The following MALRD1 variants were observed in gnomAD, a reference collection of about 807,000 sequenced individuals.
MALRD1 encodes the protein MAM and LDL-receptor class A domain-containing protein 1.
In MALRD1, 247 loss-of-function variants were observed where a neutral mutation model predicts 242.1. That is an observed-to-expected ratio of 1.02 (90% CI 0.92 to 1.13). MALRD1 has a LOEUF of 1.13. Among genes scored for constraint, MALRD1 ranks in the 50% most tolerant of loss-of-function variants. The pLI, the probability that MALRD1 is intolerant of heterozygous loss-of-function variation, is 0.00. For missense variants in MALRD1, 2,989 were observed against 2,533.1 expected, an observed-to-expected ratio of 1.18 and a Z score of -3.86; for synonymous variants, 995 against 866.6, an observed-to-expected ratio of 1.15 and a Z score of -2.60.
intron 35 of MALRD1, among the ~76,000 whole-genome samples, chr10:19,608,525 TG>T (rs1838741794): frequency 6.6e-6 from 1 of 151,996 alleles, no homozygotes; most frequent in Non-Finnish European, 1.5e-5. Context: ...TTATTTCACA[TG>T]GATGATATAT....
intron 36 of MALRD1, among the ~76,000 whole-genome samples, chr10:19,641,343 A>G (rs1198330231): frequency 4.6e-5 from 7 of 152,210 alleles, no homozygotes; most frequent in African/African-American, 1.7e-4. Flanking sequence ...TTGCCCTTTG[A>G]TCACTAAACA....
chr10:19,086,088 A>G (rs1835660218), intron 2 of MALRD1, among the ~76,000 whole-genome samples: 2 of 152,056 alleles, frequency 1.3e-5, no homozygotes, highest in African/African-American at 4.8e-5. Context: ...TTTACATAAT[A>G]ATTCCAGTAA....
At chr10:19,442,713 C>T (rs1173916947) in intron 28 of MALRD1, among the ~76,000 whole-genome samples, 4 of 152,056 alleles carry the variant, frequency 2.6e-5, no homozygotes, top group East Asian at 1.9e-4. Context: ...CCGCTGGGTT[C>T]GTTTTGCCAG....
At chr10:19,324,631 G>T (rs1359501095) in intron 22 of MALRD1, among the ~76,000 whole-genome samples, 3 of 149,226 alleles carry the variant, frequency 2.0e-5, no homozygotes, top group Admixed American at 6.7e-5. Flanking sequence ...AGTTGTCCTG[G>T]TAATGTCCCC....
chr10:19,387,538 A>T lies in MALRD1; in HGVS notation c.4452A>T (p.Pro1484=). The T allele has an allele frequency of 6.5e-7, 1 of 1,550,010 alleles. No homozygotes were observed. Among genetic ancestry groups the T allele is most frequent in the African/African-American group, 1.4e-5 (1 of 73,118 alleles). ...TTTGTTTTGTTTTAGGTTTCTGCCC[A>T]CTTGGCTATAGGGAATGTCATAATG... is the stretch of plus-strand genomic sequence containing the variant. ...LAVPLPTGFC[P]LGYRECHNGK... The change falls in exon 27 of 40, where the codon CCA becomes CCT. Residue 1484 remains proline, a synonymous_variant. Transcript: ENST00000454679.
At chr10:19,082,328 A>G (rs1034741172) in intron 2 of MALRD1, among the ~76,000 whole-genome samples, 2 of 151,704 alleles carry the variant, frequency 1.3e-5, no homozygotes, top group Non-Finnish European at 2.9e-5. Context: ...TTATGCTGTT[A>G]TTGCCACAAA....
At chr10:19,546,786 C>T (rs1175544531) in intron 32 of MALRD1, among the ~76,000 whole-genome samples, 2 of 152,138 alleles carry the variant, frequency 1.3e-5, no homozygotes, top group Non-Finnish European at 2.9e-5. Context: ...TACCTGTGAT[C>T]CTGATTTTCC....
chr10:19,240,791 A>G (rs987354792), intron 18 of MALRD1, among the ~76,000 whole-genome samples: 8 of 152,104 alleles, frequency 5.3e-5, no homozygotes, highest in Admixed American at 1.3e-4. Flanking sequence ...GACTTTTGTC[A>G]AGTGTTCTTT....
intron 21 of MALRD1, among the ~76,000 whole-genome samples, chr10:19,296,153 CT>C (rs1270444563): frequency 1.3e-5 from 2 of 152,108 alleles, no homozygotes; most frequent in African/African-American, 4.8e-5. Context: ...AGGCAGATAA[CT>C]TTAAACACAG....
chr10:19,515,801 C>T (rs948849344), intron 31 of MALRD1, among the ~76,000 whole-genome samples: 1 of 152,220 alleles, frequency 6.6e-6, no homozygotes, highest in South Asian at 2.1e-4. Flanking sequence ...ATCTCTTGAC[C>T]TCGTGATCTG....
chr10:19,235,578 C>CAGAGAGAGAGAGAGAGAGAG (rs34117417), intron 18 of MALRD1, among the ~76,000 whole-genome samples: 33 of 132,478 alleles, frequency 2.5e-4, no homozygotes, highest in South Asian at 1.2e-3. Flanking sequence ...CCCACACCCA[C>CAGAGAGAGAGAGAGAGAGAG]AGAGAGAGAG....
intron 32 of MALRD1, among the ~76,000 whole-genome samples, chr10:19,540,099 A>C (rs887854230): frequency 2.6e-5 from 4 of 151,920 alleles, no homozygotes; most frequent in Non-Finnish European, 5.9e-5. Context: ...TTCTTTGTCA[A>C]ACTCACTGAG....
chr10:19,688,097 G>A (rs10827761), intron 36 of MALRD1, among the ~76,000 whole-genome samples: 103,819 of 151,852 alleles, frequency 0.68, 36,799 homozygotes, highest in Admixed American at 0.79. Flanking sequence ...AGCCTCCCAC[G>A]TCGCTGGGAT....
intron 33 of MALRD1, among the ~76,000 whole-genome samples, chr10:19,580,418 C>A (rs1837054850): frequency 6.6e-6 from 1 of 152,094 alleles, no homozygotes; most frequent in Admixed American, 6.5e-5. Flanking sequence ...AAAGGAAGAA[C>A]TCTGATAATA....
In MALRD1 at chr10:19,700,981, C is replaced by G. The variant is rs151262062; in HGVS notation, c.6314+8427C>G. On this transcript the variant is annotated intron_variant, in intron 38 of 39. Transcript: ENST00000454679. Reference sequence around the variant, plus strand: ...TGGGCAACATAGCAAAACCCCACCTCTACAAAAAAATACAAAAATTAGCCA... The same window carrying G: ...TGGGCAACATAGCAAAACCCCACCTGTACAAAAAAATACAAAAATTAGCCA... 2.9e-3 allele frequency among the ~76,000 whole-genome samples: 441 copies of G among 152,102 alleles called. 9 individuals are homozygous for G. The East Asian group carries it at 0.052, about 18-fold the overall frequency.
intron 29 of MALRD1, among the ~76,000 whole-genome samples, chr10:19,469,272 AT>A (rs1249741479): frequency 6.6e-6 from 1 of 152,092 alleles, no homozygotes; most frequent in Non-Finnish European, 1.5e-5. Flanking sequence ...TCTTTGGGAA[AT>A]TTTTTATGTG....
chr10:19,651,037 A>G (rs1217035181), intron 36 of MALRD1, among the ~76,000 whole-genome samples: 1 of 152,216 alleles, frequency 6.6e-6, no homozygotes, highest in Non-Finnish European at 1.5e-5. Context: ...ATATCAAAAG[A>G]TGGTCTCTGT....
intron 36 of MALRD1, among the ~76,000 whole-genome samples, chr10:19,664,653 G>A (rs1326973): frequency 0.15 from 22,635 of 151,698 alleles, 2,962 homozygotes; most frequent in African/African-American, 0.35. Flanking sequence ...TACTGATACA[G>A]TTTTTAAATT....
intron 21 of MALRD1, 149 bp from the exon 22 acceptor site, chr10:19,323,800 G>A (rs1189470349): frequency 1.3e-5 from 8 of 631,038 alleles, no homozygotes; most frequent in South Asian, 2.0e-5. Flanking sequence ...TAGTAGAGAC[G>A]GTGTTTCATC....
Sources: gnomAD v4.1 joint callset for allele counts (sites outside exome capture counted in the v4.1 genomes callset) on GRCh38, gnomAD v4.1.1 for gene constraint, MANE v1.5 for transcripts, NCBI Gene and HGNC (gene_info 2026-07-23, HGNC 2026-07-21) for gene names.